The following RIMS2 variants were observed in gnomAD, a reference collection of about 807,000 sequenced individuals.
The protein encoded by RIMS2 is regulating synaptic membrane exocytosis 2.
Under a neutral mutation model 174.4 loss-of-function variants are expected in RIMS2, and 59 were observed. The observed-to-expected ratio is 0.34, with a 90% CI of 0.27 to 0.42. The LOEUF is 0.42. RIMS2 is among the 10% of genes least tolerant of loss of function. The pLI is 1.00. For synonymous variants in RIMS2, 606 were observed against 572.5 expected (o/e 1.06, Z -0.84); for missense variants, 1,620 against 1,666.3 (o/e 0.97, Z 0.48).
chr8:103,601,591 G>C (rs989456865), intron 1 of RIMS2, among the ~76,000 whole-genome samples: 1 of 151,960 alleles, frequency 6.6e-6, no homozygotes, highest in Admixed American at 6.6e-5. Context: ...GTAGGCAACA[G>C]ATCATGGAGT....
chr8:103,758,970 T>G (rs2140065273), intron 2 of RIMS2, among the ~76,000 whole-genome samples: 1 of 152,264 alleles, frequency 6.6e-6, no homozygotes, highest in Non-Finnish European at 1.5e-5. Context: ...TGAGGGTATT[T>G]GGGGAAAGTG....
intron 1 of RIMS2, among the ~76,000 whole-genome samples, chr8:103,551,304 T>A (rs1442042834): frequency 6.6e-6 from 1 of 152,142 alleles, no homozygotes. Flanking sequence ...CATACGAATG[T>A]CAATAAACAT....
At chr8:104,157,926 A>G (rs891972127) in intron 19 of RIMS2, among the ~76,000 whole-genome samples, 1 of 152,138 alleles carries the variant, frequency 6.6e-6, no homozygotes, top group African/African-American at 2.4e-5. Context: ...TATTATTATT[A>G]TTATACTTTA....
chr8:104,219,752 T>C lies in RIMS2; in HGVS notation c.3335-25164T>C, dbSNP rs1005242121. 2.6e-5 allele frequency among the ~76,000 whole-genome samples: 4 copies of C among 152,202 alleles called. No individual in the cohort carries two copies. In the East Asian group the frequency reaches 7.7e-4, roughly 29 times the overall value. On this transcript the variant is annotated intron_variant, in intron 19 of 23. Coordinates refer to ENST00000504942, the Ensembl canonical transcript of RIMS2. Reference sequence around the variant, plus strand: ...ATAAATAATTTGAAATACTGGATGATAATGATTCTGGAATTACACTTAGTT... The same window carrying C: ...ATAAATAATTTGAAATACTGGATGACAATGATTCTGGAATTACACTTAGTT...
chr8:103,943,469 GA>G (rs1054860325), intron 14 of RIMS2, among the ~76,000 whole-genome samples: 3 of 152,044 alleles, frequency 2.0e-5, no homozygotes, highest in Non-Finnish European at 4.4e-5. Context: ...TTATAAAAGG[GA>G]AATAGTAATA....
rs551488985 is a variant in RIMS2, at chr8:103,608,535, C to A, written c.177-88551C>A. Among the ~76,000 whole-genome samples the A allele has an allele frequency of 2.3e-5, 3 of 130,330 alleles. 1 individual carries two copies. Among genetic ancestry groups the A allele is most frequent in the Non-Finnish European group, 5.0e-5 (3 of 59,768 alleles). 85.5% of individuals were successfully genotyped at this position (130,330 alleles called of 152,430 possible). On this transcript the variant is annotated intron_variant, in intron 1 of 23. Coordinates refer to ENST00000504942, the Ensembl canonical transcript of RIMS2. ...TGGGCTCCACCCAGTTCGAGCTTCC[C>A]GCTGCTTTGTTTACCTAAGCAAGCC...
At chr8:103,846,355 G>A (rs1306194540) in intron 3 of RIMS2, among the ~76,000 whole-genome samples, 1 of 152,150 alleles carries the variant, frequency 6.6e-6, no homozygotes, top group East Asian at 1.9e-4. Context: ...GTAAGGGAAT[G>A]GAGTGAAGCA....
chr8:103,921,536 T>G (rs144907461), intron 9 of RIMS2, 136 bp from the exon 13 acceptor site: 1 of 561,458 alleles, frequency 1.8e-6, no homozygotes, highest in East Asian at 3.1e-5. Flanking sequence ...TGGAATGTTT[T>G]GTCTAAGAAA....
chr8:103,572,152 C>A (rs1053071970), intron 1 of RIMS2, among the ~76,000 whole-genome samples: 1 of 152,108 alleles, frequency 6.6e-6, no homozygotes, highest in East Asian at 1.9e-4. Context: ...TCTCGCTTGA[C>A]TTCAGGAGTG....
At chr8:104,035,212 A>T (rs779004938) in intron 19 of RIMS2, among the ~76,000 whole-genome samples, 2 of 151,878 alleles carry the variant, frequency 1.3e-5, no homozygotes, top group South Asian at 4.1e-4. Context: ...AACTGAAACC[A>T]TAACGTGCTC....
intron 19 of RIMS2, among the ~76,000 whole-genome samples, chr8:104,235,818 A>G (rs1673660107): frequency 6.6e-6 from 1 of 152,084 alleles, no homozygotes; most frequent in Admixed American, 6.6e-5. Context: ...GCATAAAATT[A>G]ACCCAAAAAC....
chr8:103,801,146 G>A (rs118126316), intron 3 of RIMS2, among the ~76,000 whole-genome samples: 18,881 of 151,896 alleles, frequency 0.12, 1,272 homozygotes, highest in Middle Eastern at 0.22. Flanking sequence ...CACCACACTC[G>A]GCTAATTTTT....
At chr8:103,792,114 A>C (rs571995542) in intron 3 of RIMS2, among the ~76,000 whole-genome samples, 1 of 152,356 alleles carries the variant, frequency 6.6e-6, no homozygotes, top group East Asian at 1.9e-4. Flanking sequence ...TCAACAGAAT[A>C]TACATTCTTC....
At chr8:103,578,792 A>G (rs935010009) in intron 1 of RIMS2, among the ~76,000 whole-genome samples, 6 of 151,574 alleles carry the variant, frequency 4.0e-5, no homozygotes, top group African/African-American at 1.5e-4. Flanking sequence ...ACCTGAGGTC[A>G]GGAGTTTGAG....
At chr8:103,969,639 A>G (rs891416345) in intron 15 of RIMS2, among the ~76,000 whole-genome samples, 9 of 152,210 alleles carry the variant, frequency 5.9e-5, no homozygotes, top group Non-Finnish European at 1.2e-4. Context: ...TATATTAATC[A>G]TAGTGGTTTT....
chr8:104,009,631 A>T (rs1372143758), intron 17 of RIMS2, among the ~76,000 whole-genome samples: 8 of 152,114 alleles, frequency 5.3e-5, no homozygotes, highest in Admixed American at 1.3e-4. Flanking sequence ...TACAGTATGG[A>T]TATAGAGAAG....
intron 19 of RIMS2, among the ~76,000 whole-genome samples, chr8:104,040,911 C>G (rs535423638): frequency 6.6e-6 from 1 of 151,648 alleles, no homozygotes; most frequent in South Asian, 2.1e-4. Flanking sequence ...TAAATCTTTT[C>G]TTCAGATAAT....
At chr8:103,901,458 A>T (rs1030726271) in intron 4 of RIMS2, among the ~76,000 whole-genome samples, 7 of 152,148 alleles carry the variant, frequency 4.6e-5, no homozygotes, top group Admixed American at 2.0e-4. Context: ...TTTATAATTA[A>T]CACTTGGGCT....
intron 1 of RIMS2, among the ~76,000 whole-genome samples, chr8:103,512,922 G>A (rs1054876819): frequency 6.6e-6 from 1 of 152,164 alleles, no homozygotes; most frequent in African/African-American, 2.4e-5. Context: ...ACATAGTGAA[G>A]CTGATAAACT....
Sources: allele counts gnomAD v4.1 joint callset (sites outside exome capture counted in the v4.1 genomes callset), GRCh38; gene constraint gnomAD v4.1.1; transcripts MANE v1.5; gene names NCBI Gene and HGNC (gene_info 2026-07-23, HGNC 2026-07-21).